The following MROH2A variants were observed in gnomAD, a reference collection of about 807,000 sequenced individuals.
The protein encoded by MROH2A is maestro heat like repeat family member 2A, also known as maestro heat-like repeat-containing protein family member 2A.
MROH2A carries 174 observed loss-of-function variants against 200.4 expected under a neutral mutation model. The observed-to-expected ratio is 0.87, with a 90% CI of 0.77 to 0.98. The LOEUF (loss-of-function observed/expected upper bound fraction) is 0.98. Among genes scored for constraint, MROH2A ranks in the 50% least tolerant of loss-of-function variants. The probability of loss-of-function intolerance (pLI) is 0.00; values close to 1 mark genes in which losing one functional copy is unlikely to be tolerated. For missense variants in MROH2A, 2,045 were observed against 2,139.6 expected, an observed-to-expected ratio of 0.96 and a Z score of 0.87; for synonymous variants, 829 against 840.4, an observed-to-expected ratio of 0.99 and a Z score of 0.23.
At chr2:233,811,791 A>G (rs766596865) in intron 23 of MROH2A, 89 bp from the exon 24 acceptor site, 23 of 833,336 alleles carry the variant, frequency 2.8e-5, no homozygotes, top group Non-Finnish European at 4.2e-5. Flanking sequence ...ACACTTTGGG[A>G]AGTGCCAGGT....
At chr2:233,815,425 CT>C (rs1326371788) in intron 26 of MROH2A, among the ~76,000 whole-genome samples, 2 of 152,118 alleles carry the variant, frequency 1.3e-5, no homozygotes, top group African/African-American at 4.8e-5. Context: ...TCGAATTTAT[CT>C]TTTTTTCTTT....
chr2:233,832,457 C>A, intron 40 of MROH2A, 122 bp from the exon 41 acceptor site: 1 of 993,602 alleles, frequency 1.0e-6, no homozygotes, highest in Non-Finnish European at 1.5e-6. Flanking sequence ...TCCTCCCTGC[C>A]AACGTGGGCT....
chr2:233,811,788 G>A lies in MROH2A; in HGVS notation c.2572-92G>A, dbSNP rs1047469404. 7.6e-5 allele frequency: 62 copies of A among 818,144 alleles called. No individual in the cohort carries two copies. The East Asian group carries it at 1.6e-3, about 21-fold the overall frequency. The allele number at this position is 818,144 out of a possible 1,614,324, so 50.7% of individuals were successfully genotyped here. A position where few individuals can be genotyped will look rare whatever the true frequency, so the allele number is the denominator to read the frequency against. ...AGAGATGTGGGGTGTTAGACACTTT[G>A]GGAAGTGCCAGGTCTTCCTCATGCT... On this transcript the variant is annotated intron_variant, in intron 23 of 41. Coordinates refer to ENST00000389758, the MANE Select transcript of MROH2A (RefSeq NM_001394639.1).
chr2:233,781,394 C>A (rs1360695396), intron 3 of MROH2A, among the ~76,000 whole-genome samples: 3 of 152,128 alleles, frequency 2.0e-5, no homozygotes, highest in African/African-American at 7.2e-5. Flanking sequence ...TCCTTGCTAG[C>A]ATCTGTTATT....
chr2:233,796,981 A>C (rs776648527), intron 11 of MROH2A, among the ~76,000 whole-genome samples: 2 of 152,240 alleles, frequency 1.3e-5, no homozygotes, highest in Non-Finnish European at 2.9e-5. Flanking sequence ...ATGAATAGAG[A>C]TGATAATGGC....
rs1258126784 is a variant in MROH2A at position 233,810,811 on chromosome 2, G to A, written c.2466G>A (p.Met822Ile). The change falls in exon 23 of 42, where the codon ATG (methionine) becomes ATA (isoleucine). Residue 822 changes from methionine to isoleucine, a missense_variant. By Grantham distance (10) the Met-to-Ile change is conservative. Coordinates refer to ENST00000389758, the MANE Select transcript of MROH2A (RefSeq NM_001394639.1). ...GGGCTCAGGACATCTGTCTCAAAAT[G>A]GCCTTCATGAAGAGTGTTGTGCAGG... ...VSSCQDICLKMAFMKSVVQVT... is the reference protein window; with the variant it reads ...VSSCQDICLKIAFMKSVVQVT... 2 of 1,550,210 alleles carry A rather than the reference G, an allele frequency of 1.3e-6. No homozygotes were observed. The highest frequency in any genetic ancestry group is 1.7e-6 in the Non-Finnish European group (2 of 1,146,812).
intron 35 of MROH2A, among the ~76,000 whole-genome samples, chr2:233,825,740 G>C (rs919604958): frequency 2.6e-5 from 4 of 151,986 alleles, no homozygotes; most frequent in Admixed American, 1.3e-4. Context: ...GAGAATTTTT[G>C]CATCGATGTT....
At chr2:233,797,492 T>G (rs1036679249) in intron 11 of MROH2A, among the ~76,000 whole-genome samples, 9 of 152,202 alleles carry the variant, frequency 5.9e-5, no homozygotes, top group Non-Finnish European at 1.2e-4. Context: ...CAATCCACTT[T>G]TTGTGGAAAA....
Position 233,822,515 on chromosome 2 carries a change from G to C in MROH2A, c.3825G>C (p.Leu1275=), listed in dbSNP as rs1450160447. ...AAPPVLKMWK[L]VHTTPLPEEM... is the part of the protein sequence containing the mutation. ...CGCCGGTCTTGAAGATGTGGAAGCTGGTCCACACCACTCCTCTGCCGGAGG... is the reference window on the plus strand; with the variant it reads ...CGCCGGTCTTGAAGATGTGGAAGCTCGTCCACACCACTCCTCTGCCGGAGG... The change falls in exon 33 of 42, where the codon CTG becomes CTC. Residue 1275 remains leucine, a synonymous_variant. Coordinates refer to ENST00000389758, the MANE Select transcript of MROH2A (RefSeq NM_001394639.1). 6.4e-7 allele frequency: 1 copy of C among 1,550,552 alleles called. No homozygotes were observed. The highest frequency in any genetic ancestry group is 1.2e-5 in the South Asian group (1 of 84,064).
intron 22 of MROH2A, among the ~76,000 whole-genome samples, chr2:233,810,378 C>A (rs1703078480): frequency 6.6e-6 from 1 of 152,184 alleles, no homozygotes; most frequent in African/African-American, 2.4e-5. Context: ...AAAGTGGAAA[C>A]CCCTGATAAA....
In MROH2A at chr2:233,793,819, C is replaced by A; in HGVS notation, c.817C>A (p.Pro273Thr). 1 of 1,416,266 alleles carries A rather than the reference C, an allele frequency of 7.1e-7. No individual in the cohort carries two copies. Among genetic ancestry groups the A allele is most frequent in the South Asian group, 1.7e-5 (1 of 59,712 alleles). The allele number at this position is 1,416,266 out of a possible 1,614,324, so 87.7% of individuals were successfully genotyped here. A position where few individuals can be genotyped will look rare whatever the true frequency, so the allele number is the denominator to read the frequency against. Residue 273 changes from proline to threonine, a missense_variant, in exon 7 of 42, where the codon CCC becomes ACC. Transcript: ENST00000389758. ...GACAGTGTGGCTGAGGCACTACAAC[C>A]CCGAGGTGAGATGCACCCCTCTTAG... ...FVTVWLRHYN[P>T]EVKLGVIKSL... is the part of the protein sequence containing the mutation.
intron 35 of MROH2A, 112 bp downstream of exon 35, chr2:233,823,776 C>A (rs892070127): frequency 1.5e-6 from 2 of 1,356,706 alleles, no homozygotes; most frequent in African/African-American, 1.4e-5. Flanking sequence ...GACAGGCGAG[C>A]GCCCCTCCTC....
intron 14 of MROH2A, among the ~76,000 whole-genome samples, chr2:233,800,647 G>C (rs1409985771): frequency 6.6e-6 from 1 of 151,938 alleles, no homozygotes; most frequent in Non-Finnish European, 1.5e-5. Flanking sequence ...GTGTGTGTGT[G>C]TGTGTGTGTG....
intron 24 of MROH2A, 59 bp from the exon 25 acceptor site, chr2:233,813,611 G>C (rs1434965291): frequency 2.0e-5 from 21 of 1,045,350 alleles, no homozygotes; most frequent in Non-Finnish European, 2.9e-5. Context: ...TGGGCAGTGG[G>C]GCAGCAGAAG....
At chr2:233,787,406 AACACACACAC>A (rs149271880) in intron 3 of MROH2A, among the ~76,000 whole-genome samples, 20 of 127,272 alleles carry the variant, frequency 1.6e-4, no homozygotes, top group African/African-American at 5.9e-4. Context: ...GGATATGTAT[AACACACACAC>A]ACACACACAC....
chr2:233,822,205 G>A lies in MROH2A; in HGVS notation c.3594G>A (p.Leu1198=). The change falls in exon 32 of 42, where the codon CTG becomes CTA. Residue 1198 remains leucine, a synonymous_variant. Coordinates refer to ENST00000389758, the MANE Select transcript of MROH2A (RefSeq NM_001394639.1). ...TGCTCCACAGCCTGATGGGCCGGCTGCAGTCACGGCTCAGCCCCAGAATCA... is the reference window on the plus strand; with the variant it reads ...TGCTCCACAGCCTGATGGGCCGGCTACAGTCACGGCTCAGCCCCAGAATCA... ...RTMLHSLMGR[L]QSRLSPRISA... is the part of the protein sequence containing the mutation. 2 of 1,548,834 alleles carry A rather than the reference G, an allele frequency of 1.3e-6. No homozygotes were observed. The highest frequency in any genetic ancestry group is 1.7e-6 in the Non-Finnish European group (2 of 1,146,998).
At position 233,804,156 on chromosome 2, in the gene MROH2A, G is replaced by T. The variant is rs1702648103; in HGVS notation, c.1855G>T (p.Glu619Ter). Residue 619 changes from glutamate (E) to a stop codon, truncating the protein, a stop_gained, in exon 17 of 42, where the codon GAG becomes TAG. Transcript: ENST00000389758. LOFTEE classifies it high-confidence loss of function. The part of the protein sequence containing the change: ...SIAPSMADMW[E>*]LEIALLVRYL... ...CGCACCCTCCATGGCCGACATGTGG[G>T]AGCTGGAGATTGCGCTACTGGTCCG... 1 of 1,550,456 alleles carries T rather than the reference G, an allele frequency of 6.4e-7. No individual in the cohort carries two copies. The highest frequency in any genetic ancestry group is 1.4e-5 in the African/African-American group (1 of 73,038).
At chr2:233,814,758 C>G in intron 26 of MROH2A, 81 bp downstream of exon 26, 1 of 864,386 alleles carries the variant, frequency 1.2e-6, no homozygotes. Context: ...CTCTGGGGAA[C>G]AGGGGAGTGC....
rs28899489 is a variant in MROH2A at position 233,792,531 on chromosome 2, C to T, written c.572-265C>T. On this transcript the variant is annotated intron_variant, in intron 5 of 41. Transcript: ENST00000389758. ...GTTTCAACCGTGTTAGCCAGGATGA[C>T]CTCGATCTCCTGACCTCGTGATCCG... 3.6e-3 allele frequency among the ~76,000 whole-genome samples: 555 copies of T among 152,152 alleles called. 4 individuals carry two copies. Among genetic ancestry groups the T allele is most frequent in the East Asian group, 0.01 (53 of 5,172 alleles).
Sources: gnomAD v4.1 joint callset for allele counts (sites outside exome capture counted in the v4.1 genomes callset) on GRCh38, gnomAD v4.1.1 for gene constraint, MANE v1.5 for transcripts, NCBI Gene and HGNC (gene_info 2026-07-23, HGNC 2026-07-21) for gene names.